GMDS: variants seen among roughly 807,000 people sequenced by gnomAD.
The protein encoded by GMDS is GDP-mannose 4,6 dehydratase.
In GMDS, 20 loss-of-function variants were observed where a neutral mutation model predicts 49.9. The ratio of observed to expected loss-of-function variants is 0.40; its 90% CI spans 0.28 to 0.58. The LOEUF (loss-of-function observed/expected upper bound fraction) is 0.58. Ranked by LOEUF, GMDS falls within the 20% of genes least tolerant of loss-of-function variation. GMDS has a pLI of 0.42. For missense variants in GMDS, 362 were observed against 481.4 expected (o/e 0.75, Z 2.32); for synonymous variants, 177 against 178.6 (o/e 0.99, Z 0.07).
At chr6:1,945,077 C>G (rs921972525) in intron 6 of GMDS, among the ~76,000 whole-genome samples, 1 of 152,064 alleles carries the variant, frequency 6.6e-6, no homozygotes, top group African/African-American at 2.4e-5. Context: ...AGAACAAGCA[C>G]AATTAGAAAT....
At chr6:2,168,407 T>C (rs1777777841) in intron 1 of GMDS, among the ~76,000 whole-genome samples, 2 of 152,202 alleles carry the variant, frequency 1.3e-5, no homozygotes, top group African/African-American at 4.8e-5. Flanking sequence ...AAAAGGTCAC[T>C]TCCCTACAAA....
chr6:1,790,293 A>C (rs993066307), intron 7 of GMDS, among the ~76,000 whole-genome samples: 3 of 152,222 alleles, frequency 2.0e-5, no homozygotes, highest in Non-Finnish European at 4.4e-5. Context: ...AATAATAATA[A>C]GAGCTCACAA....
intron 7 of GMDS, among the ~76,000 whole-genome samples, chr6:1,925,786 C>T (rs556175146): frequency 5.7e-4 from 87 of 152,318 alleles, no homozygotes; most frequent in African/African-American, 2.0e-3. Context: ...CCTATGCCCA[C>T]GGACTAGGTG....
intron 7 of GMDS, among the ~76,000 whole-genome samples, chr6:1,896,038 A>G (rs1189957551): frequency 6.6e-6 from 1 of 152,134 alleles, no homozygotes; most frequent in African/African-American, 2.4e-5. Flanking sequence ...AAGGAAAAAG[A>G]GGAATTTCCT....
intron 6 of GMDS, among the ~76,000 whole-genome samples, chr6:1,938,811 C>A (rs1762668741): frequency 6.6e-6 from 1 of 151,738 alleles, no homozygotes; most frequent in African/African-American, 2.4e-5. Flanking sequence ...CTCTTAATTT[C>A]TTTTTTTTGG....
chr6:1,780,439 TC>T (rs1561799789), intron 7 of GMDS, among the ~76,000 whole-genome samples: 1 of 152,182 alleles, frequency 6.6e-6, no homozygotes, highest in Non-Finnish European at 1.5e-5. Flanking sequence ...GGCAACGGTG[TC>T]CCCACAGCTT....
At chr6:2,193,883 C>T (rs777897452) in intron 1 of GMDS, among the ~76,000 whole-genome samples, 5 of 151,872 alleles carry the variant, frequency 3.3e-5, no homozygotes, top group Non-Finnish European at 7.4e-5. Flanking sequence ...ACCACCACGC[C>T]CAGCTAATTT....
intron 9 of GMDS, among the ~76,000 whole-genome samples, chr6:1,707,197 T>C (rs1489409435): frequency 1.3e-5 from 2 of 152,326 alleles, no homozygotes; most frequent in Non-Finnish European, 2.9e-5. Context: ...TAAAATTACA[T>C]CTCCATTGTG....
intron 9 of GMDS, among the ~76,000 whole-genome samples, chr6:1,630,519 C>T (rs750587798): frequency 2.6e-5 from 4 of 152,216 alleles, no homozygotes; most frequent in South Asian, 2.1e-4. Context: ...AGGCCTTCCC[C>T]GTTCAACCAG....
chr6:1,624,666 T>C, intron 9 of GMDS, 126 bp from the exon 10 acceptor site: 1 of 670,842 alleles, frequency 1.5e-6, no homozygotes, highest in Non-Finnish European at 2.6e-6. Flanking sequence ...TTTCCCTGCT[T>C]TCGGTCCCTG....
chr6:1,970,212 G>A (rs2056229760), intron 4 of GMDS, among the ~76,000 whole-genome samples: 1 of 152,210 alleles, frequency 6.6e-6, no homozygotes, highest in African/African-American at 2.4e-5. Flanking sequence ...GACACAAGAG[G>A]AGGCTCATGA....
At chr6:2,180,432 G>C (rs937511500) in intron 1 of GMDS, among the ~76,000 whole-genome samples, 13 of 152,136 alleles carry the variant, frequency 8.5e-5, no homozygotes. Flanking sequence ...TTCATCTTTT[G>C]AATGTACTAA....
chr6:1,626,972 C>T (rs1027927345), intron 9 of GMDS, among the ~76,000 whole-genome samples: 1 of 152,246 alleles, frequency 6.6e-6, no homozygotes, highest in Admixed American at 6.5e-5. Flanking sequence ...GAGCCTAGCT[C>T]CAATACTGCA....
intron 7 of GMDS, among the ~76,000 whole-genome samples, chr6:1,869,787 G>A (rs1758631542): frequency 6.6e-6 from 1 of 152,200 alleles, no homozygotes; most frequent in South Asian, 2.1e-4. Context: ...AGTGGATGGC[G>A]TCCCCTTCAC....
intron 7 of GMDS, among the ~76,000 whole-genome samples, chr6:1,914,336 T>G (rs7758904): frequency 0.079 from 11,869 of 150,866 alleles, 542 homozygotes; most frequent in South Asian, 0.16. Flanking sequence ...GGCGCCTGCA[T>G]TCCCAGCTAC....
intron 1 of GMDS, among the ~76,000 whole-genome samples, chr6:2,181,364 G>A (rs1051783812): frequency 6.6e-6 from 1 of 152,070 alleles, no homozygotes. Flanking sequence ...AAAACACTTA[G>A]GATTCATTCT....
In GMDS at chr6:1,831,124, A is replaced by C. The variant is rs116366786; in HGVS notation, c.772-88538T>G. 9.3e-3 allele frequency among the ~76,000 whole-genome samples: 1,415 copies of C among 152,356 alleles called. 15 individuals are homozygous for C. Among genetic ancestry groups the C allele is most frequent in the African/African-American group, 0.031 (1,306 of 41,582 alleles). On this transcript the variant is annotated intron_variant, in intron 7 of 10. Transcript: ENST00000380815. ...GTAAATTGTTTCCTGATTGGCTACA[A>C]AGGCATTACTGCCATTATAGGATTA...
chr6:2,072,626 T>G (rs1772084076), intron 4 of GMDS, among the ~76,000 whole-genome samples: 1 of 152,078 alleles, frequency 6.6e-6, no homozygotes, highest in South Asian at 2.1e-4. Context: ...TTCTTACAAT[T>G]TCATCATTTT....
intron 9 of GMDS, among the ~76,000 whole-genome samples, chr6:1,696,855 C>G (rs1489873582): frequency 3.3e-5 from 5 of 152,250 alleles, no homozygotes; most frequent in Non-Finnish European, 7.3e-5. Flanking sequence ...AGATTTCATG[C>G]TCCTTGGAGT....
Sources: gnomAD v4.1 joint callset for allele counts (sites outside exome capture counted in the v4.1 genomes callset) on GRCh38, gnomAD v4.1.1 for gene constraint, MANE v1.5 for transcripts, NCBI Gene and HGNC (gene_info 2026-07-23, HGNC 2026-07-21) for gene names.